The following CSMD3 variants were observed in gnomAD, a reference collection of about 807,000 sequenced individuals.
The protein encoded by CSMD3 is CUB and sushi domain-containing protein 3.
Under a neutral mutation model 435.2 loss-of-function variants are expected in CSMD3, and 177 were observed. The observed-to-expected ratio is 0.41, with a 90% CI of 0.36 to 0.46. The LOEUF (loss-of-function observed/expected upper bound fraction) is 0.46, where lower values mean the gene tolerates loss of function less well. Ranked by LOEUF, CSMD3 falls within the 20% of genes least tolerant of loss-of-function variation. The probability of loss-of-function intolerance (pLI) is 0.34; values close to 1 mark genes in which losing one functional copy is unlikely to be tolerated. For synonymous variants in CSMD3, 1,656 were observed against 1,520.5 expected (o/e 1.09, Z -2.07); for missense variants, 4,265 against 4,504.6 (o/e 0.95, Z 1.52).
Position 112,355,974 on chromosome 8 carries a change from C to T in CSMD3, c.6137-3440G>A, listed in dbSNP as rs370488875. 4.6e-5 allele frequency among the ~76,000 whole-genome samples: 7 copies of T among 151,940 alleles called. No homozygotes were observed. In the East Asian group the frequency reaches 1.2e-3, roughly 25 times the overall value. On this transcript the variant is annotated intron_variant, in intron 38 of 70. Transcript: ENST00000297405. The stretch of plus-strand genomic sequence containing the variant: ...TCACCAAAGAAATGCAAATCAAAAC[C>T]ACAGTAAGATACCGTCCCACACTAG...
intron 70 of CSMD3, among the ~76,000 whole-genome samples, chr8:112,226,331 C>T (rs184136977): frequency 1.3e-5 from 2 of 152,048 alleles, no homozygotes; most frequent in Non-Finnish European, 2.9e-5. Flanking sequence ...AGGTAATAAT[C>T]ATGAAGATAC....
chr8:112,827,078 A>G (rs1002558411), intron 12 of CSMD3, among the ~76,000 whole-genome samples: 2 of 146,828 alleles, frequency 1.4e-5, no homozygotes, highest in African/African-American at 5.0e-5. Context: ...CAACAAATGT[A>G]CTCTTTTTAT....
chr8:112,409,087 A>C, intron 32 of CSMD3, 55 bp from the exon 33 acceptor site: 1 of 1,610,910 alleles, frequency 6.2e-7, no homozygotes. Context: ...CAAAAACGAA[A>C]ACAAAAAACA....
chr8:112,747,183 C>CTTTTTTTTTTTTTTTT (rs71309787), intron 13 of CSMD3, among the ~76,000 whole-genome samples: 2 of 26,950 alleles, frequency 7.4e-5, no homozygotes, highest in African/African-American at 5.2e-4. Flanking sequence ...GCACACTTCC[C>CTTTTTTTTTTTTTTTT]TTTTTTTTTT....
At chr8:112,600,084 C>T (rs1445945496) in intron 22 of CSMD3, among the ~76,000 whole-genome samples, 1 of 151,482 alleles carries the variant, frequency 6.6e-6, no homozygotes, top group Non-Finnish European at 1.5e-5. Flanking sequence ...ATCTCTGAGT[C>T]AGAACACCCA....
intron 9 of CSMD3, among the ~76,000 whole-genome samples, chr8:112,928,576 T>A (rs2082989389): frequency 6.6e-6 from 1 of 151,546 alleles, no homozygotes; most frequent in African/African-American, 2.4e-5. Flanking sequence ...CTGAGAATGA[T>A]GATTTCCAAT....
At chr8:113,327,392 C>G (rs1057207964) in intron 1 of CSMD3, among the ~76,000 whole-genome samples, 3 of 151,908 alleles carry the variant, frequency 2.0e-5, no homozygotes, top group African/African-American at 7.3e-5. Context: ...CTATTTTTTC[C>G]AGAGCTATGG....
intron 13 of CSMD3, among the ~76,000 whole-genome samples, chr8:112,784,132 A>T (rs1321300598): frequency 6.6e-6 from 1 of 152,028 alleles, no homozygotes; most frequent in African/African-American, 2.4e-5. Flanking sequence ...CTAGAAATAG[A>T]TAACAAGAGG....
rs577535108 is a variant in CSMD3, at chr8:113,049,987, TC to T, written c.918-30809del. 1.8e-4 allele frequency among the ~76,000 whole-genome samples: 28 copies of T among 152,192 alleles called. No homozygotes were observed. In the South Asian group the frequency reaches 5.6e-3, roughly 30 times the overall value. ...AATCTCTCAATGGCCAAAATGACATTCCCATGAGAAGATTTACTTTTAAGCA... is the reference window on the plus strand; with the variant it reads ...AATCTCTCAATGGCCAAAATGACATTCCATGAGAAGATTTACTTTTAAGCA... On this transcript the variant is annotated intron_variant, in intron 5 of 70. Transcript: ENST00000297405.
At chr8:113,184,896 T>C (rs1339209370) in intron 3 of CSMD3, among the ~76,000 whole-genome samples, 1 of 152,100 alleles carries the variant, frequency 6.6e-6, no homozygotes, top group East Asian at 1.9e-4. Context: ...AACCCATTCA[T>C]TTATTCCATA....
At chr8:112,992,495 T>C (rs2085492412) in intron 6 of CSMD3, among the ~76,000 whole-genome samples, 1 of 151,778 alleles carries the variant, frequency 6.6e-6, no homozygotes, top group Non-Finnish European at 1.5e-5. Flanking sequence ...GGGGATATCT[T>C]TGCTTACTCC....
intron 3 of CSMD3, among the ~76,000 whole-genome samples, chr8:113,277,822 C>G (rs145321965): frequency 1.3e-5 from 2 of 151,896 alleles, no homozygotes; most frequent in Non-Finnish European, 2.9e-5. Context: ...TGATTTCTAT[C>G]TGAAACCTTC....
intron 13 of CSMD3, among the ~76,000 whole-genome samples, chr8:112,716,947 A>G (rs1489059072): frequency 1.3e-5 from 2 of 152,210 alleles, no homozygotes; most frequent in African/African-American, 2.4e-5. Flanking sequence ...AAAGACTTAA[A>G]TGTAAAACCA....
chr8:113,091,593 T>G lies in CSMD3; in HGVS notation c.917+7163A>C, dbSNP rs199884075. Among the ~76,000 whole-genome samples the G allele has an allele frequency of 3.1e-4, 47 of 152,172 alleles. No homozygotes were observed. The East Asian group carries it at 8.9e-3, about 29-fold the overall frequency. On this transcript the variant is annotated intron_variant, in intron 5 of 70. Coordinates refer to ENST00000297405, the MANE Select transcript of CSMD3 (RefSeq NM_198123.2). The stretch of plus-strand genomic sequence containing the variant: ...CAGCAGCCACTGATGATTTTTTGAG[T>G]TTCTGCCGTATCAATTATAATGTTT...
At chr8:113,156,992 T>C (rs2091947767) in intron 4 of CSMD3, among the ~76,000 whole-genome samples, 1 of 151,512 alleles carries the variant, frequency 6.6e-6, no homozygotes, top group African/African-American at 2.4e-5. Context: ...TTGTTTGTAT[T>C]GTATTTAGGT....
chr8:113,065,390 T>C (rs1417929146), intron 5 of CSMD3, among the ~76,000 whole-genome samples: 3 of 151,668 alleles, frequency 2.0e-5, no homozygotes, highest in Admixed American at 6.6e-5. Flanking sequence ...TGTTTTTGTT[T>C]GTTTGTTTGT....
intron 45 of CSMD3, among the ~76,000 whole-genome samples, chr8:112,322,182 T>C (rs1360647123): frequency 6.6e-6 from 1 of 152,220 alleles, no homozygotes; most frequent in East Asian, 1.9e-4. Context: ...TTCATGCTAA[T>C]CCTAAATTGT....
At chr8:112,485,933 CTT>C in intron 31 of CSMD3, among the ~76,000 whole-genome samples, 1 of 140,178 alleles carries the variant, frequency 7.1e-6, no homozygotes, top group Non-Finnish European at 1.5e-5. Flanking sequence ...GATTGAGTGA[CTT>C]AAATCTTTTT....
At chr8:113,263,334 TA>T (rs1350542049) in intron 3 of CSMD3, among the ~76,000 whole-genome samples, 1 of 152,162 alleles carries the variant, frequency 6.6e-6, no homozygotes, top group South Asian at 2.1e-4. Context: ...ATCATTACTG[TA>T]ATCATTAAAT....
Sources: gnomAD v4.1 joint callset for allele counts (sites outside exome capture counted in the v4.1 genomes callset) on GRCh38, gnomAD v4.1.1 for gene constraint, MANE v1.5 for transcripts, NCBI Gene and HGNC (gene_info 2026-07-23, HGNC 2026-07-21) for gene names.